The following CRACD variants were observed in gnomAD, a reference collection of about 807,000 sequenced individuals.
The protein encoded by CRACD is capping protein-inhibiting regulator of actin dynamics.
Under a neutral mutation model 106.8 loss-of-function variants are expected in CRACD, and 56 were observed. That is an observed-to-expected ratio of 0.52 (90% CI 0.42 to 0.66). The LOEUF (loss-of-function observed/expected upper bound fraction) is 0.66, where lower values mean the gene tolerates loss of function less well. Among genes scored for constraint, CRACD ranks in the 30% least tolerant of loss-of-function variants. The pLI, the probability that CRACD is intolerant of heterozygous loss-of-function variation, is 0.00. For synonymous variants in CRACD, 754 were observed against 670.8 expected (o/e 1.12, Z -1.92); for missense variants, 1,730 against 1,623.2 (o/e 1.07, Z -1.13).
At position 56,330,349 on chromosome 4, in the gene CRACD, A is replaced by G. The variant is rs560030365; in HGVS notation, c.*2545A>G. On this transcript the variant is annotated 3_prime_UTR_variant, in exon 11 of 11. Coordinates refer to ENST00000682029, the MANE Select transcript of CRACD (RefSeq NM_001393381.1). ...TTCTTACACAGACATTATTACTATT[A>G]AATTATCATTTAGCCAGTTATCTGC... Among the ~76,000 whole-genome samples, 26 of 152,194 alleles carry G rather than the reference A, an allele frequency of 1.7e-4. No homozygotes were observed. The highest frequency in any genetic ancestry group is 3.4e-4 in the Non-Finnish European group (23 of 68,040).
intron 2 of CRACD, chr4:56,196,541 AT>A (rs1378754668): frequency 6.5e-6 from 1 of 152,708 alleles, no homozygotes; most frequent in African/African-American, 2.4e-5. Context: ...AAATTGTACA[AT>A]AACCTCATCT....
chr4:56,122,944 G>A (rs756529672), intron 1 of CRACD, among the ~76,000 whole-genome samples: 9 of 152,138 alleles, frequency 5.9e-5, no homozygotes, highest in South Asian at 2.1e-4. Context: ...CAATTAATAC[G>A]ATGGAACATA....
chr4:56,088,183 A>G (rs74444649), intron 1 of CRACD, among the ~76,000 whole-genome samples: 1 of 147,148 alleles, frequency 6.8e-6, no homozygotes, highest in Non-Finnish European at 1.5e-5. Context: ...CAAGGGGTAC[A>G]TGTGCAGGTT....
At chr4:56,270,545 T>C (rs1268133531) in intron 2 of CRACD, among the ~76,000 whole-genome samples, 2 of 152,184 alleles carry the variant, frequency 1.3e-5, no homozygotes, top group African/African-American at 2.4e-5. Context: ...CTGTGCGTTT[T>C]GTGCAGGTGT....
chr4:56,314,169 C>T lies in CRACD; in HGVS notation c.667C>T (p.Arg223Cys), dbSNP rs373287876. 9.3e-6 allele frequency: 15 copies of T among 1,613,724 alleles called. No individual in the cohort carries two copies. The African/African-American group carries it at 1.3e-4, about 14-fold the overall frequency. The change falls in exon 8 of 11, where the codon CGC becomes TGC. Residue 223 changes from arginine (R) to cysteine (C), a missense_variant. Coordinates refer to ENST00000682029, the MANE Select transcript of CRACD (RefSeq NM_001393381.1). The surrounding 1 kb of genome is among the most constrained non-coding windows in gnomAD (Gnocchi z 4.4). The stretch of plus-strand genomic sequence containing the variant: ...GCTGGATTCCGAGGAAGAGAGAAGA[C>T]GCCAAGAAGACTACTGGCGAGAACT... ...NPLDSEEERR[R>C]QEDYWRELEA...
rs1054330163 is a variant in CRACD at position 56,068,952 on chromosome 4, T to G, written c.-336+19653T>G. Reference sequence around the variant, plus strand: ...TTGGGATGGAATCATCCTGGATTTATAGTGAGCCCTAAATCCAGTGACTAG... The same window carrying G: ...TTGGGATGGAATCATCCTGGATTTAGAGTGAGCCCTAAATCCAGTGACTAG... On this transcript the variant is annotated intron_variant, in intron 1 of 10. Transcript: ENST00000682029. 9.9e-5 allele frequency among the ~76,000 whole-genome samples: 15 copies of G among 152,154 alleles called. No individual in the cohort carries two copies. The South Asian group carries it at 1.9e-3, about 19-fold the overall frequency.
intron 8 of CRACD, among the ~76,000 whole-genome samples, chr4:56,319,651 T>A (rs1053181058): frequency 6.6e-6 from 1 of 152,172 alleles, no homozygotes; most frequent in African/African-American, 2.4e-5. Context: ...TCCTTACATT[T>A]AAAAATAGAG....
intron 2 of CRACD, among the ~76,000 whole-genome samples, chr4:56,271,163 C>CT (rs1742331122): frequency 1.3e-5 from 2 of 151,744 alleles, no homozygotes; most frequent in Admixed American, 6.6e-5. Flanking sequence ...AAAGGTGGCT[C>CT]TTTAAGCTTC....
At chr4:56,178,437 C>T (rs561512248) in intron 1 of CRACD, among the ~76,000 whole-genome samples, 2 of 152,340 alleles carry the variant, frequency 1.3e-5, no homozygotes, top group Admixed American at 6.5e-5. Context: ...CCCTTAAGAT[C>T]GTGGCCTTTC....
intron 1 of CRACD, among the ~76,000 whole-genome samples, chr4:56,084,259 T>C (rs1224055309): frequency 6.6e-6 from 1 of 152,084 alleles, no homozygotes; most frequent in African/African-American, 2.4e-5. Flanking sequence ...GCTGAGCGTT[T>C]TTCTTATTAT....
intron 3 of CRACD, among the ~76,000 whole-genome samples, chr4:56,274,824 A>G (rs545669863): frequency 2.0e-5 from 3 of 152,342 alleles, no homozygotes; most frequent in African/African-American, 7.2e-5. Flanking sequence ...ATAAAGCCAC[A>G]CGCATGCAAA....
At chr4:56,195,188 G>C (rs1218418343) in intron 2 of CRACD, among the ~76,000 whole-genome samples, 1 of 152,120 alleles carries the variant, frequency 6.6e-6, no homozygotes, top group African/African-American at 2.4e-5. Context: ...CAAGTGGGAG[G>C]ACACATGGCT....
intron 1 of CRACD, among the ~76,000 whole-genome samples, chr4:56,103,317 G>A (rs889092941): frequency 4.1e-4 from 63 of 152,312 alleles, no homozygotes; most frequent in African/African-American, 1.5e-3. Context: ...GAATAAAAAA[G>A]AGGGCTGGGT....
At chr4:56,058,195 G>C (rs545023644) in intron 1 of CRACD, among the ~76,000 whole-genome samples, 1 of 152,198 alleles carries the variant, frequency 6.6e-6, no homozygotes, top group Admixed American at 6.5e-5. Context: ...TCAGCCTCCT[G>C]AGTACCTGGG....
chr4:56,261,922 C>T (rs1451080739), intron 2 of CRACD, among the ~76,000 whole-genome samples: 1 of 151,994 alleles, frequency 6.6e-6, no homozygotes, highest in Non-Finnish European at 1.5e-5. Flanking sequence ...ATATGCATTG[C>T]TAAAAATCCA....
intron 2 of CRACD, among the ~76,000 whole-genome samples, chr4:56,211,958 A>C (rs1359811659): frequency 6.6e-6 from 1 of 152,092 alleles, no homozygotes; most frequent in Non-Finnish European, 1.5e-5. Context: ...CAATCTGCCT[A>C]GGTATTTGAG....
chr4:56,162,557 T>C (rs565161058), intron 1 of CRACD, among the ~76,000 whole-genome samples: 3 of 152,346 alleles, frequency 2.0e-5, no homozygotes, highest in South Asian at 4.1e-4. Flanking sequence ...CACAATTCTT[T>C]CTTTTTCATA....
chr4:56,071,985 G>A (rs374475374), intron 1 of CRACD, among the ~76,000 whole-genome samples: 14 of 151,770 alleles, frequency 9.2e-5, no homozygotes, highest in African/African-American at 2.9e-4. Flanking sequence ...AAAATTAGCC[G>A]GGCGTGGTGG....
Position 56,315,689 on chromosome 4 carries a change from C to T in CRACD, c.2187C>T (p.Ser729=), listed in dbSNP as rs267600196. The T allele has an allele frequency of 3.7e-6, 6 of 1,614,082 alleles. No individual in the cohort carries two copies. The Middle Eastern group carries it at 4.9e-4, about 133-fold the overall frequency. ...FSIMPAWQKF[S]DGGTETSKQS... is the part of the protein sequence containing the mutation. ...TTATGCCTGCCTGGCAGAAATTTTC[C>T]GATGGTGGCACGGAGACCTCCAAAC... Residue 729 remains serine, a synonymous_variant, in exon 8 of 11, where the codon TCC becomes TCT. Coordinates refer to ENST00000682029, the MANE Select transcript of CRACD (RefSeq NM_001393381.1). The surrounding 1 kb of genome is among the most constrained non-coding windows in gnomAD (Gnocchi z 4.1).
Sources: gnomAD v4.1 joint callset for allele counts (sites outside exome capture counted in the v4.1 genomes callset) on GRCh38, gnomAD v4.1.1 for gene constraint, Gnocchi (gnomAD v3.1) non-coding constraint, MANE v1.5 for transcripts, NCBI Gene and HGNC (gene_info 2026-07-23, HGNC 2026-07-21) for gene names.